The following KALRN variants were observed in gnomAD, a reference collection of about 807,000 sequenced individuals.
KALRN encodes the protein kalirin RhoGEF kinase.
In KALRN, 70 loss-of-function variants were observed where a neutral mutation model predicts 353.7. The observed-to-expected ratio is 0.20, with a 90% CI of 0.16 to 0.24. KALRN has a LOEUF of 0.24. KALRN is among the 10% of genes least tolerant of loss of function. KALRN has a pLI of 1.00. For synonymous variants in KALRN, 1,391 were observed against 1,434.8 expected (o/e 0.97, Z 0.69); for missense variants, 2,791 against 3,756.7 (o/e 0.74, Z 6.72).
intron 1 of KALRN, among the ~76,000 whole-genome samples, chr3:124,219,752 G>A (rs2077691472): frequency 6.6e-6 from 1 of 152,090 alleles, no homozygotes; most frequent in Non-Finnish European, 1.5e-5. Context: ...TGACAGCGAT[G>A]AAGGAAGACT....
At chr3:124,216,009 T>C (rs369554493) in intron 1 of KALRN, among the ~76,000 whole-genome samples, 15 of 152,238 alleles carry the variant, frequency 9.9e-5, no homozygotes, top group Non-Finnish European at 2.2e-4. Context: ...GTGTCATAAG[T>C]TTGGAAGGCT....
At chr3:124,397,077 A>C (rs879320529) in intron 12 of KALRN, among the ~76,000 whole-genome samples, 14 of 152,224 alleles carry the variant, frequency 9.2e-5, no homozygotes, top group Non-Finnish European at 1.5e-4. Context: ...TGAGTGTGAC[A>C]CTGACATAGT....
At chr3:124,418,021 A>G (rs940349248) in intron 14 of KALRN, among the ~76,000 whole-genome samples, 1 of 152,212 alleles carries the variant, frequency 6.6e-6, no homozygotes, top group African/African-American at 2.4e-5. Flanking sequence ...GCAAGTTCTC[A>G]ATAGTAGTGT....
intron 1 of KALRN, among the ~76,000 whole-genome samples, chr3:124,209,246 TG>T (rs2076690825): frequency 6.6e-6 from 1 of 151,962 alleles, no homozygotes; most frequent in Non-Finnish European, 1.5e-5. Flanking sequence ...GGCTCACACC[TG>T]TAATCCCAGC....
At chr3:124,137,649 G>T (rs892260101) in intron 1 of KALRN, among the ~76,000 whole-genome samples, 7 of 152,146 alleles carry the variant, frequency 4.6e-5, no homozygotes, top group African/African-American at 1.7e-4. Flanking sequence ...TCTTAAAAGA[G>T]TTTCTCCAAG....
At chr3:124,537,609 G>A (rs2068641251) in intron 33 of KALRN, among the ~76,000 whole-genome samples, 4 of 152,098 alleles carry the variant, frequency 2.6e-5, no homozygotes, top group South Asian at 4.1e-4. Context: ...AGTGTGGTTT[G>A]GGAAAGGAAG....
At position 124,666,953 on chromosome 3, in the gene KALRN, T is replaced by A; in HGVS notation, c.6532-59T>A. ...ATAGAAACTTTGAGGAAGAGTAATATGTTGCTGATTTTTAAAAAATCTTTT... is the reference window on the plus strand; with the variant it reads ...ATAGAAACTTTGAGGAAGAGTAATAAGTTGCTGATTTTTAAAAAATCTTTT... On this transcript the variant is annotated intron_variant, in intron 46 of 59. Transcript: ENST00000682506. The A allele has an allele frequency of 4.0e-6, 6 of 1,513,484 alleles. No homozygotes were observed. The Middle Eastern group carries it at 5.3e-4, about 134-fold the overall frequency. The allele number at this position is 1,513,484 out of a possible 1,614,324, so 93.8% of individuals were successfully genotyped here.
At chr3:124,607,833 G>A (rs1236874136) in intron 34 of KALRN, among the ~76,000 whole-genome samples, 4 of 152,060 alleles carry the variant, frequency 2.6e-5, no homozygotes, top group Middle Eastern at 3.4e-3. Context: ...TCAAACTCCT[G>A]GCCTCAAGTG....
chr3:124,148,933 C>T (rs571801330), intron 1 of KALRN, among the ~76,000 whole-genome samples: 6 of 152,112 alleles, frequency 3.9e-5, no homozygotes, highest in Non-Finnish European at 8.8e-5. Flanking sequence ...GAGAAAGGAA[C>T]AAAAATGTAT....
chr3:124,220,766 C>T (rs746328405), intron 1 of KALRN, among the ~76,000 whole-genome samples: 14 of 152,348 alleles, frequency 9.2e-5, no homozygotes, highest in East Asian at 1.9e-4. Flanking sequence ...CACAAACATG[C>T]TTCCTGCCTC....
rs144569755 is a variant in KALRN, at chr3:124,636,975, C to T, written c.5569-233C>T. The stretch of plus-strand genomic sequence containing the variant: ...CCTCTCCCCTCCTTCATAGGCTTGC[C>T]TAAGGATAGCCTAGTACCATCCATT... On this transcript the variant is annotated intron_variant, in intron 36 of 59. Coordinates refer to ENST00000682506, the MANE Select transcript of KALRN (RefSeq NM_001388419.1). 1.4e-3 allele frequency: 711 copies of T among 492,098 alleles called. 4 individuals are homozygous for T. The highest frequency in any genetic ancestry group is 0.012 in the African/African-American group (647 of 51,820). The allele number at this position is 492,098 out of a possible 1,614,324, so 30.5% of individuals were successfully genotyped here.
chr3:124,183,446 C>G (rs903370210), intron 1 of KALRN, among the ~76,000 whole-genome samples: 2 of 152,104 alleles, frequency 1.3e-5, no homozygotes, highest in African/African-American at 4.8e-5. Flanking sequence ...CTCATGAGAA[C>G]TAACTATTGC....
chr3:124,079,432 T>C (rs1250856523), intron 1 of KALRN, among the ~76,000 whole-genome samples: 1 of 152,266 alleles, frequency 6.6e-6, no homozygotes, highest in Non-Finnish European at 1.5e-5. Context: ...GCTTGTACTC[T>C]GTTCTCTTAT....
intron 6 of KALRN, among the ~76,000 whole-genome samples, chr3:124,315,956 A>G (rs2078761738): frequency 6.6e-6 from 1 of 152,160 alleles, no homozygotes; most frequent in Admixed American, 6.5e-5. Context: ...GTACCAGATG[A>G]AGGACAGAGA....
At chr3:124,249,745 G>A (rs1380041465) in intron 3 of KALRN, among the ~76,000 whole-genome samples, 5 of 152,154 alleles carry the variant, frequency 3.3e-5, no homozygotes, top group Non-Finnish European at 7.4e-5. Context: ...AGTTTATTCT[G>A]ATTTGGAGCA....
intron 34 of KALRN, among the ~76,000 whole-genome samples, chr3:124,617,498 CGAA>C (rs2078747667): frequency 6.6e-6 from 1 of 152,110 alleles, no homozygotes; most frequent in Admixed American, 6.5e-5. Context: ...GGGCTTACAA[CGAA>C]GAAGTCCTTG....
chr3:124,496,710 G>A (rs2063888780), intron 33 of KALRN, among the ~76,000 whole-genome samples: 1 of 152,186 alleles, frequency 6.6e-6, no homozygotes, highest in Non-Finnish European at 1.5e-5. Flanking sequence ...TTTCTGAGAT[G>A]CCCCACCTGG....
At chr3:124,471,244 C>T (rs1273507527) in intron 25 of KALRN, among the ~76,000 whole-genome samples, 1 of 146,580 alleles carries the variant, frequency 6.8e-6, no homozygotes, top group Non-Finnish European at 1.5e-5. Flanking sequence ...CTTACAAGCA[C>T]CCCCACAAAG....
intron 3 of KALRN, among the ~76,000 whole-genome samples, chr3:124,246,478 G>GA (rs2148703058): frequency 6.6e-6 from 1 of 152,212 alleles, no homozygotes; most frequent in East Asian, 1.9e-4. Context: ...TTTGCCCTTG[G>GA]TGATTCTTTA....
Sources: allele counts gnomAD v4.1 joint callset (sites outside exome capture counted in the v4.1 genomes callset), GRCh38; gene constraint gnomAD v4.1.1; transcripts MANE v1.5; gene names NCBI Gene and HGNC (gene_info 2026-07-23, HGNC 2026-07-21).